Variants in DCLK1 observed in about 807,000 individuals in gnomAD.
DCLK1 encodes the protein serine/threonine-protein kinase DCLK1.
Under a neutral mutation model 86.2 loss-of-function variants are expected in DCLK1, and 16 were observed. The observed-to-expected ratio is 0.19, with a 90% confidence interval of 0.13 to 0.28. The LOEUF (loss-of-function observed/expected upper bound fraction) is 0.28. Ranked by LOEUF, DCLK1 falls within the 10% of genes least tolerant of loss-of-function variation. DCLK1 has a pLI of 1.00. For missense variants in DCLK1, 590 were observed against 940.2 expected (o/e 0.63, Z 4.87); for synonymous variants, 369 against 370.5 (o/e 1.00, Z 0.05).
intron 3 of DCLK1, among the ~76,000 whole-genome samples, chr13:36,059,917 G>C (rs1363315092): frequency 6.7e-6 from 1 of 150,188 alleles, no homozygotes; most frequent in African/African-American, 2.5e-5. Context: ...TGTCACCCAG[G>C]CCGGAGTGCA....
At chr13:35,940,656 T>C (rs1877033306) in intron 4 of DCLK1, among the ~76,000 whole-genome samples, 1 of 152,182 alleles carries the variant, frequency 6.6e-6, no homozygotes, top group Non-Finnish European at 1.5e-5. Flanking sequence ...CTGTCACTTT[T>C]AGAAGTCTGA....
At chr13:35,929,223 A>T (rs1166609973) in intron 4 of DCLK1, among the ~76,000 whole-genome samples, 1 of 152,200 alleles carries the variant, frequency 6.6e-6, no homozygotes, top group African/African-American at 2.4e-5. Flanking sequence ...GCTTATACTA[A>T]TCTTCTAACT....
At chr13:36,031,930 A>T (rs942339402) in intron 3 of DCLK1, among the ~76,000 whole-genome samples, 4 of 152,090 alleles carry the variant, frequency 2.6e-5, no homozygotes, top group African/African-American at 9.7e-5. Flanking sequence ...GTCAGACTGG[A>T]TGTGCAGCTC....
At chr13:35,894,760 G>A (rs931697394) in intron 4 of DCLK1, among the ~76,000 whole-genome samples, 37 of 152,266 alleles carry the variant, frequency 2.4e-4, no homozygotes, top group African/African-American at 7.9e-4. Context: ...GTAGGCACGA[G>A]GAGCAGAGAG....
intron 3 of DCLK1, among the ~76,000 whole-genome samples, chr13:35,976,839 C>G (rs910091827): frequency 2.0e-5 from 3 of 152,024 alleles, no homozygotes; most frequent in Non-Finnish European, 2.9e-5. Flanking sequence ...CGGCCTTCTC[C>G]GAGGTTTTAA....
At chr13:36,018,582 T>G (rs1881631706) in intron 3 of DCLK1, among the ~76,000 whole-genome samples, 2 of 152,208 alleles carry the variant, frequency 1.3e-5, no homozygotes, top group Admixed American at 1.3e-4. Flanking sequence ...GCTTCTTTTA[T>G]ACACAACCAG....
chr13:35,924,294 C>T (rs1033089334), intron 4 of DCLK1, among the ~76,000 whole-genome samples: 2 of 152,024 alleles, frequency 1.3e-5, no homozygotes, highest in African/African-American at 2.4e-5. Context: ...TCCAGCAGAC[C>T]GTTACAAAGG....
intron 3 of DCLK1, among the ~76,000 whole-genome samples, chr13:36,040,651 C>A (rs1458387478): frequency 6.6e-6 from 1 of 151,896 alleles, no homozygotes; most frequent in Non-Finnish European, 1.5e-5. Context: ...TCTCTATGTG[C>A]AACTCACATT....
intron 8 of DCLK1, 144 bp from the exon 9 acceptor site, chr13:35,828,451 A>C: frequency 1.5e-6 from 1 of 687,624 alleles, no homozygotes; most frequent in Non-Finnish European, 2.4e-6. Flanking sequence ...CTTTTTTAAA[A>C]AAAAACAAAT....
chr13:35,992,691 T>C (rs1880289908), intron 3 of DCLK1, among the ~76,000 whole-genome samples: 1 of 152,178 alleles, frequency 6.6e-6, no homozygotes. Flanking sequence ...TCAATTTGCC[T>C]AGGAAAGTCC....
chr13:36,076,020 G>A (rs986743116), intron 3 of DCLK1, among the ~76,000 whole-genome samples: 9 of 152,120 alleles, frequency 5.9e-5, no homozygotes, highest in South Asian at 2.1e-4. Flanking sequence ...AGCAGGCTCC[G>A]TCTCAAAAAA....
intron 11 of DCLK1, among the ~76,000 whole-genome samples, chr13:35,812,928 AGAGTT>A (rs2087178472): frequency 6.6e-6 from 1 of 152,228 alleles, no homozygotes; most frequent in African/African-American, 2.4e-5. Flanking sequence ...TTGGTCACTT[AGAGTT>A]AAGTTAAAAA....
At chr13:36,001,047 T>C (rs1412703798) in intron 3 of DCLK1, among the ~76,000 whole-genome samples, 2 of 152,002 alleles carry the variant, frequency 1.3e-5, no homozygotes, top group African/African-American at 2.4e-5. Context: ...CTCCCAGGTT[T>C]AAGCAATTCT....
chr13:36,047,192 G>C (rs1188554584), intron 3 of DCLK1, among the ~76,000 whole-genome samples: 1 of 152,286 alleles, frequency 6.6e-6, no homozygotes, highest in East Asian at 1.9e-4. Flanking sequence ...GATTTGGCGA[G>C]GATGTGGAGA....
intron 5 of DCLK1, among the ~76,000 whole-genome samples, chr13:35,868,851 G>A (rs751408780): frequency 5.9e-5 from 9 of 152,156 alleles, no homozygotes; most frequent in Admixed American, 1.3e-4. Context: ...GTGCAGTGGC[G>A]TGATTTCTGC....
At chr13:35,787,638 G>A (rs1447394990) in intron 16 of DCLK1, among the ~76,000 whole-genome samples, 1 of 152,074 alleles carries the variant, frequency 6.6e-6, no homozygotes, top group Non-Finnish European at 1.5e-5. Flanking sequence ...ATTTCCAGGG[G>A]GAAGAGGGAA....
At chr13:35,924,089 A>G (rs1875959475) in intron 4 of DCLK1, among the ~76,000 whole-genome samples, 2 of 152,048 alleles carry the variant, frequency 1.3e-5, no homozygotes, top group South Asian at 4.2e-4. Context: ...TGCTCCCCAA[A>G]GTATACTTCT....
chr13:36,124,870 GC>G (rs985446237), intron 2 of DCLK1, among the ~76,000 whole-genome samples: 57 of 152,220 alleles, frequency 3.7e-4, no homozygotes, highest in African/African-American at 1.3e-3. Context: ...GGATCTGCTA[GC>G]TTTTTTTGCA....
chr13:35,801,885 C>T (rs1184006489), intron 15 of DCLK1, among the ~76,000 whole-genome samples: 3 of 152,102 alleles, frequency 2.0e-5, no homozygotes, highest in Non-Finnish European at 1.5e-5. Flanking sequence ...ATTCCAGACC[C>T]CTCATGTATA....
Sources: gnomAD v4.1 joint callset for allele counts (sites outside exome capture counted in the v4.1 genomes callset) on GRCh38, gnomAD v4.1.1 for gene constraint, MANE v1.5 for transcripts, NCBI Gene and HGNC (gene_info 2026-07-23, HGNC 2026-07-21) for gene names.